SLC39A12: variants seen among roughly 807,000 people sequenced by gnomAD.
The protein encoded by SLC39A12 is zinc transporter ZIP12.
SLC39A12 carries 63 observed loss-of-function variants against 71.1 expected under a neutral mutation model. The ratio of observed to expected loss-of-function variants is 0.89; its 90% CI spans 0.72 to 1.09. The LOEUF is 1.09. Ranked by LOEUF, SLC39A12 falls within the 50% of genes least tolerant of loss-of-function variation. The pLI is 0.00. For missense variants in SLC39A12, 892 were observed against 812.6 expected, an observed-to-expected ratio of 1.10 and a Z score of -1.19; for synonymous variants, 351 against 301.3, an observed-to-expected ratio of 1.16 and a Z score of -1.71.
At chr10:17,952,864 T>C (rs1367088945) in intron 1 of SLC39A12, among the ~76,000 whole-genome samples, 2 of 152,218 alleles carry the variant, frequency 1.3e-5, no homozygotes, top group African/African-American at 2.4e-5. Context: ...CATGAATCAC[T>C]TGGAGTTCTT....
At chr10:17,952,329 C>G (rs1202585956) in intron 1 of SLC39A12, among the ~76,000 whole-genome samples, 1 of 148,644 alleles carries the variant, frequency 6.7e-6, no homozygotes, top group Non-Finnish European at 1.5e-5. Context: ...GTGTGTGTGT[C>G]ATGTTCTTGA....
intron 12 of SLC39A12, among the ~76,000 whole-genome samples, chr10:18,034,490 C>T (rs879907940): frequency 2.1e-3 from 312 of 151,626 alleles, no homozygotes; most frequent in Middle Eastern, 0.014. Flanking sequence ...TTTTGTTTTC[C>T]ATTAGCTTGG....
chr10:18,036,134 T>C (rs1837005604), intron 12 of SLC39A12, among the ~76,000 whole-genome samples: 1 of 151,238 alleles, frequency 6.6e-6, no homozygotes, highest in African/African-American at 2.5e-5. Flanking sequence ...AGGTGGAGCC[T>C]GCAGTGGCAG....
At chr10:17,973,099 C>A (rs1335616827) in intron 4 of SLC39A12, among the ~76,000 whole-genome samples, 1 of 152,002 alleles carries the variant, frequency 6.6e-6, no homozygotes, top group Non-Finnish European at 1.5e-5. Context: ...TAAACAAAAA[C>A]CAAGCAAAAA....
rs16916681 is a variant in SLC39A12, at chr10:17,958,155, C to G, written c.262-3426C>G. 8.8e-3 allele frequency among the ~76,000 whole-genome samples: 1,344 copies of G among 152,270 alleles called. 16 individuals carry two copies. Among genetic ancestry groups the G allele is most frequent in the African/African-American group, 0.031 (1,286 of 41,568 alleles). On this transcript the variant is annotated intron_variant, in intron 2 of 12. Transcript: ENST00000377369. ...CGTGCCTTGCATTCCAATTCCAACCCTGGAAAGATACATGGCAAAGACACT... is the reference window on the plus strand; with the variant it reads ...CGTGCCTTGCATTCCAATTCCAACCGTGGAAAGATACATGGCAAAGACACT...
intron 2 of SLC39A12, among the ~76,000 whole-genome samples, chr10:17,959,751 C>T (rs1834639041): frequency 6.6e-6 from 1 of 152,196 alleles, no homozygotes; most frequent in African/African-American, 2.4e-5. Context: ...GTGTCTTTTT[C>T]TCACTGTCCC....
At chr10:17,967,894 A>ATATATATAT (rs1476243267) in intron 4 of SLC39A12, among the ~76,000 whole-genome samples, 132 of 117,784 alleles carry the variant, frequency 1.1e-3, no homozygotes, top group African/African-American at 4.7e-3. Context: ...CTCAAAAAAA[A>ATATATATAT]AAAAATATAT....
At chr10:17,981,607 AAT>A in intron 6 of SLC39A12, 124 bp downstream of exon 6, 2 of 724,342 alleles carry the variant, frequency 2.8e-6, no homozygotes, top group Non-Finnish European at 4.2e-6. Context: ...CAGCTCATTT[AAT>A]CCTCCTAACA....
chr10:17,997,893 T>G (rs1312251619), intron 10 of SLC39A12, among the ~76,000 whole-genome samples: 1 of 152,212 alleles, frequency 6.6e-6, no homozygotes, highest in Non-Finnish European at 1.5e-5. Flanking sequence ...CTCAGAAACA[T>G]GGAACTCAAT....
chr10:17,979,792 G>C (rs1451025049), intron 5 of SLC39A12, among the ~76,000 whole-genome samples: 1 of 152,156 alleles, frequency 6.6e-6, no homozygotes, highest in Non-Finnish European at 1.5e-5. Context: ...GGGCAAAACT[G>C]ATTGAACTAA....
chr10:18,022,836 G>T (rs1380840671), intron 12 of SLC39A12, among the ~76,000 whole-genome samples: 1 of 152,138 alleles, frequency 6.6e-6, no homozygotes, highest in Non-Finnish European at 1.5e-5. Context: ...GAGGGCCAAG[G>T]CTTTGTGCAA....
chr10:17,981,227 A>G, intron 5 of SLC39A12, 85 bp from the exon 6 acceptor site: 1 of 1,240,140 alleles, frequency 8.1e-7, no homozygotes, highest in Non-Finnish European at 1.1e-6. Context: ...TCCATCTAGA[A>G]TTCACTCCTC....
chr10:17,968,986 C>T (rs1341928673), intron 4 of SLC39A12, among the ~76,000 whole-genome samples: 3 of 152,128 alleles, frequency 2.0e-5, no homozygotes, highest in African/African-American at 7.2e-5. Flanking sequence ...TCTCTATGTC[C>T]ATGAGTTTGA....
chr10:17,975,987 C>T (rs1276435546), intron 4 of SLC39A12, among the ~76,000 whole-genome samples: 1 of 152,108 alleles, frequency 6.6e-6, no homozygotes, highest in Non-Finnish European at 1.5e-5. Flanking sequence ...TTGCCATGCC[C>T]CCCTACTGTC....
intron 12 of SLC39A12, among the ~76,000 whole-genome samples, chr10:18,032,559 TG>T (rs1442124105): frequency 6.9e-6 from 1 of 145,648 alleles, no homozygotes; most frequent in East Asian, 2.0e-4. Context: ...GCTGAGACAA[TG>T]GGGTTTTCTA....
At chr10:18,040,627 A>G (rs189685946) in intron 12 of SLC39A12, among the ~76,000 whole-genome samples, 1 of 152,052 alleles carries the variant, frequency 6.6e-6, no homozygotes, top group Admixed American at 6.6e-5. Flanking sequence ...AAATTAGCCA[A>G]GCATGGTGGT....
At chr10:17,957,368 G>T (rs1834577922) in intron 2 of SLC39A12, among the ~76,000 whole-genome samples, 1 of 152,108 alleles carries the variant, frequency 6.6e-6, no homozygotes, top group Non-Finnish European at 1.5e-5. Context: ...GCCTCTCCTT[G>T]CATTTTAATC....
intron 12 of SLC39A12, chr10:18,005,823 G>A (rs1835999020): frequency 6.6e-6 from 1 of 151,624 alleles, no homozygotes; most frequent in African/African-American, 2.4e-5. Context: ...ATTAGCCGAG[G>A]AAAAACCAGC....
At chr10:17,956,914 A>G (rs1834564817) in intron 2 of SLC39A12, among the ~76,000 whole-genome samples, 1 of 152,216 alleles carries the variant, frequency 6.6e-6, no homozygotes, top group South Asian at 2.1e-4. Flanking sequence ...AAGAGCCAGT[A>G]CCTGCCATCG....
Sources: allele counts gnomAD v4.1 joint callset (sites outside exome capture counted in the v4.1 genomes callset), GRCh38; gene constraint gnomAD v4.1.1; transcripts MANE v1.5; gene names NCBI Gene and HGNC (gene_info 2026-07-23, HGNC 2026-07-21).